The following RYR2 variants were observed in gnomAD, a reference collection of about 807,000 sequenced individuals.
RYR2 encodes the protein cardiac muscle ryanodine receptor-calcium release channel.
A neutral mutation model predicts 601.1 loss-of-function variants in RYR2; 227 were observed. The ratio of observed to expected loss-of-function variants is 0.38; its 90% CI spans 0.34 to 0.42. The LOEUF (loss-of-function observed/expected upper bound fraction) is 0.42. RYR2 is among the 10% of genes least tolerant of loss of function. The probability of loss-of-function intolerance (pLI) is 1.00; values close to 1 mark genes in which losing one functional copy is unlikely to be tolerated. For synonymous variants in RYR2, 2,223 were observed against 2,175.1 expected, an observed-to-expected ratio of 1.02 and a Z score of -0.61; for missense variants, 4,646 against 6,156.5, an observed-to-expected ratio of 0.75 and a Z score of 8.21.
At position 237,654,356 on chromosome 1, in the gene RYR2, A is replaced by G; in HGVS notation, c.7907A>G (p.Glu2636Gly). 6.2e-7 allele frequency: 1 copy of G among 1,613,982 alleles called. No homozygotes were observed. The highest frequency in any genetic ancestry group is 8.5e-7 in the Non-Finnish European group (1 of 1,179,872). ...GWGNFGAASE[E>G]ELHLSRKLFW... is the part of the protein sequence containing the mutation. ...GGAAACTTTGGTGCTGCCTCAGAAG[A>G]AGAACTTCATTTATCAAGAAAGTTG... is the stretch of plus-strand genomic sequence containing the variant. The change falls in exon 52 of 105, where the codon GAA (glutamate) becomes GGA (glycine). Residue 2636 changes from glutamate (E) to glycine (G), a missense_variant. Around this residue, in one of 17 missense-constraint regions of RYR2, gnomAD observed 1,497 missense variants for 1,842.6 expected, o/e 0.81. Coordinates refer to ENST00000366574, the MANE Select transcript of RYR2 (RefSeq NM_001035.3).
At chr1:237,328,383 AAG>A (rs1696367837) in intron 2 of RYR2, among the ~76,000 whole-genome samples, 1 of 152,086 alleles carries the variant, frequency 6.6e-6, no homozygotes, top group Non-Finnish European at 1.5e-5. Context: ...TCCAGAGTAG[AAG>A]AGAGTCCTTT....
intron 2 of RYR2, among the ~76,000 whole-genome samples, chr1:237,326,545 A>C (rs1365684638): frequency 1.3e-5 from 2 of 152,162 alleles, no homozygotes; most frequent in East Asian, 1.9e-4. Context: ...AACATGCTCA[A>C]CTGCAGTTTT....
intron 26 of RYR2, among the ~76,000 whole-genome samples, chr1:237,550,102 G>T (rs540721370): frequency 1.1e-4 from 16 of 152,268 alleles, no homozygotes; most frequent in Middle Eastern, 6.8e-3. Context: ...TCCATAACAC[G>T]CTGGAATTTT....
At chr1:237,585,329 C>T (rs985481109) in intron 29 of RYR2, among the ~76,000 whole-genome samples, 7 of 152,122 alleles carry the variant, frequency 4.6e-5, no homozygotes, top group Admixed American at 6.5e-5. Flanking sequence ...ATGGTAATAA[C>T]GATTCCTATC....
At chr1:237,697,403 T>TATATTGC in intron 63 of RYR2, among the ~76,000 whole-genome samples, 1 of 142,928 alleles carries the variant, frequency 7.0e-6, no homozygotes, top group African/African-American at 2.6e-5. Flanking sequence ...TTATGTTATA[T>TATATTGC]ATTATATAAT....
In RYR2 at chr1:237,388,167, G is replaced by T; in HGVS notation, c.757G>T (p.Gly253Cys). Residue 253 changes from glycine to cysteine, a missense_variant, in exon 10 of 105, where the codon GGT becomes TGT. Physicochemically the swap from Gly to Cys is radical, Grantham distance 159. Transcript: ENST00000366574. ...ECLTVPSGEH[G>C]EEQRRTVHYE... is the part of the protein sequence containing the mutation. Reference sequence around the variant, plus strand: ...TCTCACTGTCCCTTCAGGAGAACATGGTGAAGAGCAGCGGAGGTTAGTACC... The same window carrying T: ...TCTCACTGTCCCTTCAGGAGAACATTGTGAAGAGCAGCGGAGGTTAGTACC... The T allele has an allele frequency of 1.2e-6, 2 of 1,613,794 alleles. No homozygotes were observed. The highest frequency in any genetic ancestry group is 1.7e-6 in the Non-Finnish European group (2 of 1,179,838).
At chr1:237,050,863 T>G (rs993672261) in intron 1 of RYR2, among the ~76,000 whole-genome samples, 1 of 152,210 alleles carries the variant, frequency 6.6e-6, no homozygotes, top group African/African-American at 2.4e-5. Flanking sequence ...AGGTTTCTGG[T>G]TTTCAAAATA....
At position 237,692,409 on chromosome 1, in the gene RYR2, ATCT is replaced by A. The variant is rs536694284; in HGVS notation, c.9067+4909_9067+4911del. 2.6e-4 allele frequency among the ~76,000 whole-genome samples: 40 copies of A among 152,268 alleles called. No homozygotes were observed. The South Asian group carries it at 4.4e-3, about 17-fold the overall frequency. On this transcript the variant is annotated intron_variant, in intron 63 of 104. Transcript: ENST00000366574. ...CTGTGTTCCACGATGATCTTATCAAATCTTCTCAAAACACACTTCTCTGATTAC... is the reference window on the plus strand; with the variant it reads ...CTGTGTTCCACGATGATCTTATCAAATCTCAAAACACACTTCTCTGATTAC...
At chr1:237,573,984 A>G (rs1427722483) in intron 29 of RYR2, among the ~76,000 whole-genome samples, 1 of 151,828 alleles carries the variant, frequency 6.6e-6, no homozygotes, top group Non-Finnish European at 1.5e-5. Context: ...CATTCCCTCA[A>G]CTCCTCCTCA....
At chr1:237,543,256 CT>C (rs1301476555) in intron 25 of RYR2, among the ~76,000 whole-genome samples, 1 of 152,026 alleles carries the variant, frequency 6.6e-6, no homozygotes, top group Non-Finnish European at 1.5e-5. Flanking sequence ...GTAGGAAGCC[CT>C]TCAAGTAAAA....
chr1:237,430,062 A>G lies in RYR2; in HGVS notation c.1005+6814A>G, dbSNP rs1303369872. Among the ~76,000 whole-genome samples, 9 of 150,852 alleles carry G rather than the reference A, an allele frequency of 6.0e-5. 1 individual carries two copies. In the South Asian group the frequency reaches 8.3e-4, roughly 14 times the overall value. ...TCTTTCCAGATCAATATATATCAATATATTGTTATATATATTTCCAGATCA... is the reference window on the plus strand; with the variant it reads ...TCTTTCCAGATCAATATATATCAATGTATTGTTATATATATTTCCAGATCA... On this transcript the variant is annotated intron_variant, in intron 12 of 104. Coordinates refer to ENST00000366574, the MANE Select transcript of RYR2 (RefSeq NM_001035.3).
At chr1:237,600,304 A>G (rs1212643553) in intron 34 of RYR2, among the ~76,000 whole-genome samples, 2 of 152,178 alleles carry the variant, frequency 1.3e-5, no homozygotes, top group African/African-American at 2.4e-5. Context: ...ACACCTATCC[A>G]TATCCAACTA....
chr1:237,103,127 G>A (rs887280503), intron 1 of RYR2, among the ~76,000 whole-genome samples: 1 of 152,194 alleles, frequency 6.6e-6, no homozygotes, highest in Non-Finnish European at 1.5e-5. Flanking sequence ...CTGGGATTAT[G>A]GATGTCTGAG....
intron 63 of RYR2, among the ~76,000 whole-genome samples, chr1:237,694,268 T>C (rs112824106): frequency 4.4e-5 from 6 of 137,180 alleles, no homozygotes; most frequent in African/African-American, 1.7e-4. Context: ...CACTCCAGCC[T>C]GGGCGACACG....
intron 3 of RYR2, among the ~76,000 whole-genome samples, chr1:237,349,124 G>A (rs1193334088): frequency 6.6e-6 from 1 of 151,980 alleles, no homozygotes; most frequent in East Asian, 1.9e-4. Context: ...CAATCCTAAG[G>A]AATATTAATA....
At chr1:237,776,683 C>A (rs2149328954) in intron 87 of RYR2, among the ~76,000 whole-genome samples, 1 of 152,088 alleles carries the variant, frequency 6.6e-6, no homozygotes, top group East Asian at 1.9e-4. Flanking sequence ...TCCTGATTAA[C>A]CCCAGGCTTC....
intron 1 of RYR2, among the ~76,000 whole-genome samples, chr1:237,125,478 T>C (rs1190425390): frequency 1.3e-5 from 2 of 151,778 alleles, no homozygotes; most frequent in Admixed American, 1.3e-4. Flanking sequence ...CTTTTAACAC[T>C]GAAATTGCAG....
At chr1:237,559,621 C>A (rs1671256757) in intron 27 of RYR2, among the ~76,000 whole-genome samples, 2 of 152,138 alleles carry the variant, frequency 1.3e-5, no homozygotes, top group African/African-American at 4.8e-5. Context: ...AACTTAAAGT[C>A]TTTGTCTAAT....
intron 101 of RYR2, among the ~76,000 whole-genome samples, chr1:237,820,991 G>C (rs1662430579): frequency 6.6e-6 from 1 of 152,156 alleles, no homozygotes; most frequent in Admixed American, 6.5e-5. Context: ...TCTCTGGGCA[G>C]GGCATCTCTG....
Sources: gnomAD v4.1 joint callset for allele counts (sites outside exome capture counted in the v4.1 genomes callset) on GRCh38, gnomAD v4.1.1 for gene constraint, gnomAD v4.1.1 regional missense constraint, MANE v1.5 for transcripts, NCBI Gene and HGNC (gene_info 2026-07-23, HGNC 2026-07-21) for gene names.